The following RSRC1 variants were observed in gnomAD, a reference collection of about 807,000 sequenced individuals.
RSRC1 encodes arginine and serine rich coiled-coil 1.
RSRC1 carries 39 observed loss-of-function variants against 49.1 expected under a neutral mutation model. The observed-to-expected ratio is 0.79, with a 90% CI of 0.61 to 1.04. The LOEUF (loss-of-function observed/expected upper bound fraction) is 1.04, where lower values mean the gene tolerates loss of function less well. Among genes scored for constraint, RSRC1 ranks in the 50% least tolerant of loss-of-function variants. The pLI is 0.00. For synonymous variants in RSRC1, 143 were observed against 130.8 expected (o/e 1.09, Z -0.63); for missense variants, 388 against 402.4 (o/e 0.96, Z 0.31).
chr3:158,333,919 A>G (rs1349726314), intron 5 of RSRC1, among the ~76,000 whole-genome samples: 1 of 152,214 alleles, frequency 6.6e-6, no homozygotes, highest in African/African-American at 2.4e-5. Flanking sequence ...AGCACAGAGA[A>G]TGGGTGTCTT....
intron 4 of RSRC1, among the ~76,000 whole-genome samples, chr3:158,261,912 G>T (rs1009507423): frequency 6.6e-6 from 1 of 152,090 alleles, no homozygotes; most frequent in African/African-American, 2.4e-5. Context: ...GAAATATAGT[G>T]CACGGTAATT....
At position 158,203,084 on chromosome 3, in the gene RSRC1, A is replaced by G. The variant is rs1207902420; in HGVS notation, c.333A>G (p.Arg111=). 19 of 1,612,528 alleles carry G rather than the reference A, an allele frequency of 1.2e-5. 1 individual carries two copies. Among genetic ancestry groups the G allele is most frequent in the Non-Finnish European group, 1.6e-5 (19 of 1,179,142 alleles). Residue 111 remains arginine (R), a synonymous_variant, in exon 4 of 10, where the codon AGA becomes AGG. Transcript: ENST00000611884. ...CTGCTTACTGTAGGTCCAGGTCAAG[A>G]CCTCGTCTCCGTTCTCATAGTCGTA... ...SKSRTRRSRS[R]PRLRSHSRSS...
chr3:158,296,831 T>C (rs575600052), intron 4 of RSRC1, among the ~76,000 whole-genome samples: 2 of 151,954 alleles, frequency 1.3e-5, no homozygotes, highest in Admixed American at 1.3e-4. Flanking sequence ...TTAGTACTAA[T>C]CAGTAGAAGT....
chr3:158,527,709 A>G (rs1712128445), intron 7 of RSRC1, among the ~76,000 whole-genome samples: 1 of 151,996 alleles, frequency 6.6e-6, no homozygotes, highest in South Asian at 2.1e-4. Context: ...TTTAAACATG[A>G]GACAGTAAAC....
intron 5 of RSRC1, among the ~76,000 whole-genome samples, chr3:158,346,117 T>G (rs924459648): frequency 1.3e-5 from 2 of 152,128 alleles, no homozygotes; most frequent in African/African-American, 4.8e-5. Flanking sequence ...TAGGTAAAGA[T>G]TTCTTAAATA....
chr3:158,236,026 G>A (rs933712159), intron 4 of RSRC1, among the ~76,000 whole-genome samples: 8 of 151,836 alleles, frequency 5.3e-5, no homozygotes, highest in African/African-American at 9.7e-5. Flanking sequence ...TGAGGCATGA[G>A]AACTCCATGA....
intron 3 of RSRC1, among the ~76,000 whole-genome samples, chr3:158,142,721 C>T (rs996093013): frequency 9.2e-5 from 14 of 152,136 alleles, no homozygotes; most frequent in South Asian, 4.2e-4. Flanking sequence ...AGCACCATGC[C>T]GTTCATGCCG....
intron 3 of RSRC1, among the ~76,000 whole-genome samples, chr3:158,198,685 C>T (rs776524760): frequency 1.5e-4 from 23 of 151,956 alleles, no homozygotes; most frequent in African/African-American, 3.9e-4. Flanking sequence ...ACCCACTGTC[C>T]GACACTCCCC....
At chr3:158,203,046 T>C in intron 3 of RSRC1, 26 bp from the exon 4 acceptor site, 1 of 1,568,362 alleles carries the variant, frequency 6.4e-7, no homozygotes, top group Non-Finnish European at 8.7e-7. Flanking sequence ...ACACTAAGTT[T>C]ATTTAACAAA....
Position 158,176,448 on chromosome 3 carries a change from C to G in RSRC1, c.321-26624C>G, listed in dbSNP as rs374756332. ...AAAAAGCATGGTACTGGTACCAAAA[C>G]AGAGATATAGATCAATGGAACAGAA... On this transcript the variant is annotated intron_variant, in intron 3 of 9. Coordinates refer to ENST00000611884, the MANE Select transcript of RSRC1 (RefSeq NM_001271838.2). 2.0e-4 allele frequency among the ~76,000 whole-genome samples: 30 copies of G among 152,272 alleles called. No homozygotes were observed. In the East Asian group the frequency reaches 3.1e-3, roughly 16 times the overall value.
chr3:158,201,569 T>C (rs756228073), intron 3 of RSRC1, among the ~76,000 whole-genome samples: 2 of 152,146 alleles, frequency 1.3e-5, no homozygotes, highest in Non-Finnish European at 2.9e-5. Context: ...ATTCTTCATA[T>C]TGGGTAATTT....
intron 6 of RSRC1, among the ~76,000 whole-genome samples, chr3:158,429,041 G>A (rs370067799): frequency 7.2e-5 from 11 of 151,944 alleles, no homozygotes; most frequent in East Asian, 5.8e-4. Flanking sequence ...ATTTCTCACC[G>A]CCCTGAGAGG....
intron 5 of RSRC1, among the ~76,000 whole-genome samples, chr3:158,341,922 G>A (rs1379171795): frequency 6.6e-6 from 1 of 152,160 alleles, no homozygotes; most frequent in African/African-American, 2.4e-5. Context: ...AGTCAAAGGA[G>A]ATAATTTTGG....
In RSRC1 at chr3:158,143,024, T is replaced by C. The variant is rs140371858; in HGVS notation, c.320+19033T>C. 1.1e-3 allele frequency among the ~76,000 whole-genome samples: 170 copies of C among 152,312 alleles called. 2 individuals are homozygous for C. The highest frequency in any genetic ancestry group is 4.0e-3 in the African/African-American group (165 of 41,570). ...GACTTCTACATTTCCAATACAGGTATTTAAAAAAGTAATCTACTTGAGGCC... is the reference window on the plus strand; with the variant it reads ...GACTTCTACATTTCCAATACAGGTACTTAAAAAAGTAATCTACTTGAGGCC... On this transcript the variant is annotated intron_variant, in intron 3 of 9. Coordinates refer to ENST00000611884, the MANE Select transcript of RSRC1 (RefSeq NM_001271838.2).
At chr3:158,523,410 C>T (rs952070272) in intron 7 of RSRC1, among the ~76,000 whole-genome samples, 1 of 151,818 alleles carries the variant, frequency 6.6e-6, no homozygotes, top group Admixed American at 6.6e-5. Flanking sequence ...TTACAGTAAT[C>T]AAGACTATAT....
At chr3:158,149,944 A>G (rs1717422638) in intron 3 of RSRC1, among the ~76,000 whole-genome samples, 1 of 152,216 alleles carries the variant, frequency 6.6e-6, no homozygotes, top group African/African-American at 2.4e-5. Context: ...TTTTATTCTC[A>G]TTAAAATGCA....
In RSRC1 at chr3:158,447,260, G is replaced by A. The variant is rs1578490437; in HGVS notation, c.584-13675G>A. Among the ~76,000 whole-genome samples the A allele has an allele frequency of 2.0e-5, 3 of 152,022 alleles. No homozygotes were observed. In the South Asian group the frequency reaches 6.2e-4, roughly 32 times the overall value. ...CAAGCCATTGGTCTTAGACTTAAAT[G>A]ATGAGTCTCTCAAATCAGGCAACCA... On this transcript the variant is annotated intron_variant, in intron 6 of 9. Coordinates refer to ENST00000611884, the MANE Select transcript of RSRC1 (RefSeq NM_001271838.2).
intron 7 of RSRC1, among the ~76,000 whole-genome samples, chr3:158,480,804 C>G (rs924532823): frequency 1.3e-5 from 2 of 152,006 alleles, no homozygotes; most frequent in South Asian, 4.1e-4. Context: ...GCATCACTGG[C>G]ATGTCTTTAA....
intron 4 of RSRC1, among the ~76,000 whole-genome samples, chr3:158,287,542 A>T (rs1726643415): frequency 1.3e-5 from 2 of 152,156 alleles, no homozygotes; most frequent in Admixed American, 6.5e-5. Context: ...ATAAGGATAA[A>T]TCAGAAAGAA....
Sources: allele counts gnomAD v4.1 joint callset (sites outside exome capture counted in the v4.1 genomes callset), GRCh38; gene constraint gnomAD v4.1.1; transcripts MANE v1.5; gene names NCBI Gene and HGNC (gene_info 2026-07-23, HGNC 2026-07-21).